The following WDFY4 variants were observed in gnomAD, a reference collection of about 807,000 sequenced individuals.
WDFY4 encodes the protein WDFY family member 4.
WDFY4 carries 169 observed loss-of-function variants against 351.9 expected under a neutral mutation model. The observed-to-expected ratio is 0.48, with a 90% confidence interval of 0.42 to 0.55. The LOEUF (loss-of-function observed/expected upper bound fraction) is 0.55. Ranked by LOEUF, WDFY4 falls within the 20% of genes least tolerant of loss-of-function variation. The probability of loss-of-function intolerance (pLI) is 0.00; values close to 1 mark genes in which losing one functional copy is unlikely to be tolerated. For synonymous variants in WDFY4, 1,622 were observed against 1,574.6 expected (o/e 1.03, Z -0.71); for missense variants, 3,803 against 3,935.6 (o/e 0.97, Z 0.90).
At chr10:48,880,983 C>A (rs1453523663) in intron 43 of WDFY4, among the ~76,000 whole-genome samples, 5 of 152,188 alleles carry the variant, frequency 3.3e-5, no homozygotes, top group Non-Finnish European at 7.3e-5. Context: ...CCTCCACTTA[C>A]AGGCCTAGTG....
chr10:48,851,757 G>A (rs981020724), intron 39 of WDFY4, among the ~76,000 whole-genome samples: 5 of 152,244 alleles, frequency 3.3e-5, no homozygotes, highest in African/African-American at 1.2e-4. Flanking sequence ...ACCAGCAGCT[G>A]GCCAGCCCTA....
Position 48,743,551 on chromosome 10 carries a change from A to C in WDFY4, c.2459+3A>C. 6.5e-7 allele frequency: 1 copy of C among 1,529,414 alleles called. No homozygotes were observed. The highest frequency in any genetic ancestry group is 1.4e-5 in the African/African-American group (1 of 73,014). The allele number at this position is 1,529,414 out of a possible 1,614,324, so 94.7% of individuals were successfully genotyped here. A position where few individuals can be genotyped will look rare whatever the true frequency, so the allele number is the denominator to read the frequency against. ...CAGTGGCCAGACCTGGAGGAGAGGT[A>C]GCTTCTTCTGCCAGTGTGTCATCAG... On this transcript the variant is annotated splice_donor_region_variant and intron_variant, in intron 12 of 61. Coordinates refer to ENST00000325239, the MANE Select transcript of WDFY4 (RefSeq NM_001394531.1).
At chr10:48,765,644 C>G (rs750455145) in intron 13 of WDFY4, among the ~76,000 whole-genome samples, 4 of 152,202 alleles carry the variant, frequency 2.6e-5, no homozygotes, top group African/African-American at 4.8e-5. Flanking sequence ...AATTAAGCGA[C>G]AGAATCAATA....
intron 24 of WDFY4, among the ~76,000 whole-genome samples, chr10:48,796,889 C>T (rs1589633199): frequency 6.6e-6 from 1 of 152,166 alleles, no homozygotes; most frequent in Non-Finnish European, 1.5e-5. Flanking sequence ...ACGCCTGAGG[C>T]TGAGGAGCAT....
At chr10:48,880,647 G>A (rs1280646560) in intron 43 of WDFY4, among the ~76,000 whole-genome samples, 2 of 152,198 alleles carry the variant, frequency 1.3e-5, no homozygotes, top group Admixed American at 1.3e-4. Context: ...ATTCAGAAGG[G>A]AGGGACCCTG....
intron 57 of WDFY4, among the ~76,000 whole-genome samples, chr10:48,974,216 G>C (rs1333128030): frequency 6.6e-6 from 1 of 152,026 alleles, no homozygotes; most frequent in Non-Finnish European, 1.5e-5. Context: ...ATCGTAACAT[G>C]AACTGGCCAG....
chr10:48,828,646 G>C, intron 36 of WDFY4, 132 bp from the exon 37 acceptor site: 1 of 565,318 alleles, frequency 1.8e-6, no homozygotes, highest in Non-Finnish European at 3.0e-6. Flanking sequence ...GCTTTAATTT[G>C]ATTAGGCAAG....
intron 13 of WDFY4, among the ~76,000 whole-genome samples, chr10:48,762,233 C>T (rs552498645): frequency 8.5e-5 from 13 of 152,218 alleles, no homozygotes; most frequent in South Asian, 2.1e-4. Flanking sequence ...AGTGGAGTGG[C>T]GGAGCAGAAG....
chr10:48,842,232 T>C (rs2068630870), intron 39 of WDFY4, among the ~76,000 whole-genome samples: 1 of 151,898 alleles, frequency 6.6e-6, no homozygotes, highest in Non-Finnish European at 1.5e-5. Flanking sequence ...TGACTCTGAA[T>C]AGAACTGGCA....
At chr10:48,753,095 T>G (rs1458519762) in intron 12 of WDFY4, among the ~76,000 whole-genome samples, 1 of 152,232 alleles carries the variant, frequency 6.6e-6, no homozygotes, top group African/African-American at 2.4e-5. Flanking sequence ...ATTGTGATTT[T>G]GATTTTTGTT....
At chr10:48,904,076 T>A (rs138849870) in intron 47 of WDFY4, among the ~76,000 whole-genome samples, 4 of 152,316 alleles carry the variant, frequency 2.6e-5, no homozygotes, top group African/African-American at 9.6e-5. Flanking sequence ...AACTGAGAAA[T>A]GACCATTGAG....
intron 1 of WDFY4, among the ~76,000 whole-genome samples, chr10:48,699,175 G>A (rs1412955121): frequency 6.6e-6 from 1 of 152,192 alleles, no homozygotes; most frequent in Non-Finnish European, 1.5e-5. Context: ...GGAGCAGAAT[G>A]TCTATGGACA....
chr10:48,905,783 G>A (rs1170099582), intron 47 of WDFY4, among the ~76,000 whole-genome samples: 1 of 152,230 alleles, frequency 6.6e-6, no homozygotes, highest in Non-Finnish European at 1.5e-5. Flanking sequence ...ACAGCCCCGG[G>A]CTTCAGGATC....
intron 43 of WDFY4, among the ~76,000 whole-genome samples, chr10:48,887,679 T>C (rs2940730): frequency 0.4 from 60,651 of 151,498 alleles, 14,685 homozygotes; most frequent in Non-Finnish European, 0.54. Context: ...CTCAGGAGAC[T>C]GAGGCAGGAG....
At chr10:48,695,479 G>C (rs2063307495) in intron 1 of WDFY4, among the ~76,000 whole-genome samples, 1 of 152,202 alleles carries the variant, frequency 6.6e-6, no homozygotes, top group Non-Finnish European at 1.5e-5. Flanking sequence ...ATGCTTGTCA[G>C]CTGTTTGATT....
chr10:48,724,169 C>T (rs1296340011), intron 5 of WDFY4, among the ~76,000 whole-genome samples: 1 of 152,162 alleles, frequency 6.6e-6, no homozygotes, highest in Non-Finnish European at 1.5e-5. Context: ...CCTTCCTGCT[C>T]CCTGAGCTTG....
intron 39 of WDFY4, among the ~76,000 whole-genome samples, chr10:48,852,398 TG>T (rs1173032555): frequency 2.6e-5 from 4 of 152,252 alleles, no homozygotes; most frequent in Non-Finnish European, 2.9e-5. Flanking sequence ...AATGTGCACA[TG>T]CATAACTTCT....
Position 48,788,673 on chromosome 10 carries a change from G to A in WDFY4, c.3952G>A (p.Glu1318Lys). 1 of 1,551,604 alleles carries A rather than the reference G, an allele frequency of 6.4e-7. No homozygotes were observed. The highest frequency in any genetic ancestry group is 8.7e-7 in the Non-Finnish European group (1 of 1,146,902). The change falls in exon 21 of 62, where the codon GAG (glutamate) becomes AAG (lysine). Residue 1318 changes from glutamate (E) to lysine (K), a missense_variant and splice_region_variant. Around this residue, in one of 3 missense-constraint regions of WDFY4, gnomAD observed 3,054 missense variants for 3,148.6 expected, o/e 0.97. Coordinates refer to ENST00000325239, the MANE Select transcript of WDFY4 (RefSeq NM_001394531.1). ...NEVDSRLIAK[E>K]MNISSRDNAM... ...GGTGGACAGCCGCCTGATCGCCAAAGAGGTACATCTTCTAACTTCGCTGCT... is the reference window on the plus strand; with the variant it reads ...GGTGGACAGCCGCCTGATCGCCAAAAAGGTACATCTTCTAACTTCGCTGCT...
intron 6 of WDFY4, among the ~76,000 whole-genome samples, chr10:48,727,264 C>T (rs2064301202): frequency 6.6e-6 from 1 of 152,226 alleles, no homozygotes. Flanking sequence ...TCTCCTGTGT[C>T]ACCTGCTGGG....
Sources: gnomAD v4.1 joint callset for allele counts (sites outside exome capture counted in the v4.1 genomes callset) on GRCh38, gnomAD v4.1.1 for gene constraint, gnomAD v4.1.1 regional missense constraint, MANE v1.5 for transcripts, NCBI Gene and HGNC (gene_info 2026-07-23, HGNC 2026-07-21) for gene names.